Variants in DNAH6 observed in about 807,000 individuals in gnomAD.
The protein encoded by DNAH6 is dynein axonemal heavy chain 6.
A neutral mutation model predicts 491.4 loss-of-function variants in DNAH6; 340 were observed. The ratio of observed to expected loss-of-function variants is 0.69; its 90% CI spans 0.63 to 0.76. DNAH6 has a LOEUF of 0.76. DNAH6 is among the 30% of genes least tolerant of loss of function. The probability of loss-of-function intolerance (pLI) is 0.00; values close to 1 mark genes in which losing one functional copy is unlikely to be tolerated. For synonymous variants in DNAH6, 1,603 were observed against 1,686.1 expected, an observed-to-expected ratio of 0.95 and a Z score of 1.21; for missense variants, 4,443 against 4,972.2, an observed-to-expected ratio of 0.89 and a Z score of 3.20.
chr2:84,619,573 T>C, intron 23 of DNAH6, 112 bp from the exon 24 acceptor site: 1 of 914,146 alleles, frequency 1.1e-6, no homozygotes. Flanking sequence ...TAATTGGAGG[T>C]CCAGGAAATT....
chr2:84,658,469 G>T lies in DNAH6; in HGVS notation c.5935G>T (p.Ala1979Ser), dbSNP rs368634619. Reference protein sequence around the residue: ...LILGKDGVNLAMEQTKLNTIL... With the variant: ...LILGKDGVNLSMEQTKLNTIL... The stretch of plus-strand genomic sequence containing the variant: ...ACTTGGGAAAGATGGAGTTAACTTG[G>T]CAATGGTATGAAGAGTTTTCTTATT... The change falls in exon 36 of 77, where the codon GCA (alanine) becomes TCA (serine). Residue 1979 changes from alanine (A) to serine (S), a missense_variant. Ala to Ser is a moderately conservative substitution (Grantham distance 99, BLOSUM62 1). This residue lies in a region of DNAH6 where 2,977 missense variants were observed against 3,296.6 expected (regional missense o/e 0.90). Coordinates refer to ENST00000389394, the MANE Select transcript of DNAH6 (RefSeq NM_001370.2). The T allele has an allele frequency of 6.6e-7, 1 of 1,507,204 alleles. No individual in the cohort carries two copies. The highest frequency in any genetic ancestry group is 1.4e-5 in the African/African-American group (1 of 71,020). 93.4% of individuals were successfully genotyped at this position (1,507,204 alleles called of 1,614,324 possible).
chr2:84,694,576 G>T lies in DNAH6; in HGVS notation c.7524+96G>T, dbSNP rs1695202759. The T allele has an allele frequency of 8.4e-6, 7 of 836,314 alleles. No individual in the cohort carries two copies. In the East Asian group the frequency reaches 1.9e-4, roughly 23 times the overall value. The allele number at this position is 836,314 out of a possible 1,614,324, so 51.8% of individuals were successfully genotyped here. ...ACAGTTTGTAGGATGAAGTTCAAGGGGATTGTTCCCTTTGATAACAGATTT... is the reference window on the plus strand; with the variant it reads ...ACAGTTTGTAGGATGAAGTTCAAGGTGATTGTTCCCTTTGATAACAGATTT... On this transcript the variant is annotated intron_variant, in intron 46 of 76. Transcript: ENST00000389394.
intron 64 of DNAH6, among the ~76,000 whole-genome samples, chr2:84,775,629 C>G (rs1559027475): frequency 1.3e-5 from 2 of 152,188 alleles, no homozygotes; most frequent in Non-Finnish European, 1.5e-5. Context: ...CACTGTGAAT[C>G]TTTCTGGTCC....
chr2:84,672,983 T>C (rs1389794451), intron 40 of DNAH6, among the ~76,000 whole-genome samples: 1 of 152,138 alleles, frequency 6.6e-6, no homozygotes, highest in South Asian at 2.1e-4. Flanking sequence ...AGGAGATCCA[T>C]GAACAAGTGA....
Position 84,547,402 on chromosome 2 carries a change from G to A in DNAH6, c.1065G>A (p.Glu355=). 3 of 1,551,558 alleles carry A rather than the reference G, an allele frequency of 1.9e-6. No individual in the cohort carries two copies. The highest frequency in any genetic ancestry group is 2.6e-6 in the Non-Finnish European group (3 of 1,146,892). ...FKAAQVIRLA[E]VTERLGEFRN... is the part of the protein sequence containing the mutation. Reference sequence around the variant, plus strand: ...CCGCACAAGTCATACGGCTAGCAGAGGTAACAAATTTTGTCTATAAGAATC... The same window carrying A: ...CCGCACAAGTCATACGGCTAGCAGAAGTAACAAATTTTGTCTATAAGAATC... The change falls in exon 6 of 77, where the codon GAG becomes GAA. Residue 355 remains glutamate (E), a splice_region_variant and synonymous_variant. Transcript: ENST00000389394.
chr2:84,819,368 T>C lies in DNAH6; in HGVS notation c.12437T>C (p.Ile4146Thr). Residue 4146 changes from isoleucine to threonine, a missense_variant, in exon 77 of 77, where the codon ATT becomes ACT. Ile to Thr is a moderately conservative substitution (Grantham distance 89, BLOSUM62 -1). Coordinates refer to ENST00000389394, the MANE Select transcript of DNAH6 (RefSeq NM_001370.2). ...TCCAAGCGGTCCAAAGACTACTGGA[T>C]TGCCAAGGGATCAGCTTTGCTCTGC... ...LPSKRSKDYW[I>T]AKGSALLCQL... 1 of 1,551,476 alleles carries C rather than the reference T, an allele frequency of 6.4e-7. No individual in the cohort carries two copies. The highest frequency in any genetic ancestry group is 1.4e-5 in the African/African-American group (1 of 73,144).
At chr2:84,745,394 C>T (rs1672868206) in intron 63 of DNAH6, 145 bp downstream of exon 63, 1 of 594,130 alleles carries the variant, frequency 1.7e-6, no homozygotes, top group Non-Finnish European at 2.6e-6. Flanking sequence ...GGCCGAGCGC[C>T]GTGGCTCACG....
Position 84,802,210 on chromosome 2 carries a change from A to G in DNAH6, c.11482-3455A>G, listed in dbSNP as rs150417504. ...AACAAAAACAACACCTCACATATCA[A>G]TATTAACCTTGAACATAAATGACCT... On this transcript the variant is annotated intron_variant, in intron 70 of 76. Coordinates refer to ENST00000389394, the MANE Select transcript of DNAH6 (RefSeq NM_001370.2). Among the ~76,000 whole-genome samples the G allele has an allele frequency of 5.2e-3, 789 of 152,330 alleles. 8 individuals carry two copies. Among genetic ancestry groups the G allele is most frequent in the African/African-American group, 0.018 (748 of 41,576 alleles).
At chr2:84,567,846 C>T (rs1257511774) in intron 11 of DNAH6, among the ~76,000 whole-genome samples, 1 of 152,078 alleles carries the variant, frequency 6.6e-6, no homozygotes, top group Non-Finnish European at 1.5e-5. Flanking sequence ...AAACTATCAT[C>T]AGACTGAATA....
At chr2:84,626,196 A>G (rs1451832447) in intron 29 of DNAH6, among the ~76,000 whole-genome samples, 1 of 151,892 alleles carries the variant, frequency 6.6e-6, no homozygotes, top group East Asian at 1.9e-4. Context: ...AAAAACATAC[A>G]TTTGTTTCTA....
chr2:84,662,436 C>T (rs1573397800), intron 37 of DNAH6, among the ~76,000 whole-genome samples: 2 of 151,928 alleles, frequency 1.3e-5, no homozygotes, highest in African/African-American at 2.4e-5. Context: ...TCTTAGAAAA[C>T]GGCACACCAG....
intron 64 of DNAH6, among the ~76,000 whole-genome samples, chr2:84,780,457 C>A (rs191416098): frequency 6.6e-6 from 1 of 152,220 alleles, no homozygotes; most frequent in Admixed American, 6.5e-5. Context: ...TTTTGAAACT[C>A]CTGTGGTGAA....
intron 62 of DNAH6, among the ~76,000 whole-genome samples, chr2:84,740,852 C>T (rs993961163): frequency 2.0e-5 from 3 of 152,180 alleles, no homozygotes; most frequent in Non-Finnish European, 4.4e-5. Context: ...CGTAATTCCA[C>T]CACCTACTAC....
At chr2:84,568,411 C>T (rs890059031) in intron 11 of DNAH6, among the ~76,000 whole-genome samples, 5 of 152,112 alleles carry the variant, frequency 3.3e-5, no homozygotes, top group African/African-American at 1.2e-4. Flanking sequence ...GAGATCATGT[C>T]CTTTGCAGTG....
the DNAH6 span, among the ~76,000 whole-genome samples, chr2:84,468,748 A>C: frequency 6.6e-6 from 1 of 152,212 alleles, no homozygotes; most frequent in Non-Finnish European, 1.5e-5. Context: ...TCCTAGAAGA[A>C]GTCTAGGGTC....
chr2:84,782,162 T>A (rs1676756864), intron 65 of DNAH6, among the ~76,000 whole-genome samples: 1 of 152,192 alleles, frequency 6.6e-6, no homozygotes, highest in Non-Finnish European at 1.5e-5. Context: ...AGCACTAGTT[T>A]TATCTCACCA....
intron 63 of DNAH6, among the ~76,000 whole-genome samples, chr2:84,755,288 T>C (rs909534701): frequency 2.0e-5 from 3 of 152,200 alleles, no homozygotes; most frequent in Non-Finnish European, 4.4e-5. Context: ...TCTCTTGCCT[T>C]TCTGCCCTGC....
chr2:84,676,990 T>G lies in DNAH6; in HGVS notation c.6613-15T>G. 1.9e-6 allele frequency: 3 copies of G among 1,551,698 alleles called. No individual in the cohort carries two copies. In the South Asian group the frequency reaches 3.6e-5, roughly 18 times the overall value. On this transcript the variant is annotated splice_polypyrimidine_tract_variant and intron_variant, in intron 40 of 76. Coordinates refer to ENST00000389394, the MANE Select transcript of DNAH6 (RefSeq NM_001370.2). ...TTCTCTGCTGAGTGATCCAAGTGGATTTCTCTGCACACAGGATGTAACAAT... is the reference window on the plus strand; with the variant it reads ...TTCTCTGCTGAGTGATCCAAGTGGAGTTCTCTGCACACAGGATGTAACAAT...
At chr2:84,495,519 C>A in the DNAH6 span, among the ~76,000 whole-genome samples, 1 of 152,182 alleles carries the variant, frequency 6.6e-6, no homozygotes, top group African/African-American at 2.4e-5. Flanking sequence ...CTGCAAAGAC[C>A]TTTAAGTCTT....
Sources: gnomAD v4.1 joint callset for allele counts (sites outside exome capture counted in the v4.1 genomes callset) on GRCh38, gnomAD v4.1.1 for gene constraint, gnomAD v4.1.1 regional missense constraint, MANE v1.5 for transcripts, NCBI Gene and HGNC (gene_info 2026-07-23, HGNC 2026-07-21) for gene names.